The following TMEM145 variants were observed in gnomAD, a reference collection of about 807,000 sequenced individuals.
TMEM145 encodes transmembrane protein 145.
In TMEM145, 46 loss-of-function variants were observed where a neutral mutation model predicts 68.5. The observed-to-expected ratio is 0.67, with a 90% CI of 0.53 to 0.86. The LOEUF is 0.86. Among genes scored for constraint, TMEM145 ranks in the 40% least tolerant of loss-of-function variants. TMEM145 has a pLI of 0.00. For synonymous variants in TMEM145, 255 were observed against 280.2 expected, an observed-to-expected ratio of 0.91 and a Z score of 0.90; for missense variants, 570 against 645.8, an observed-to-expected ratio of 0.88 and a Z score of 1.27.
intron 13 of TMEM145, chr19:42,321,255 T>C (rs1031446854): frequency 2.5e-6 from 1 of 396,416 alleles, no homozygotes. Flanking sequence ...AGACGGAGTC[T>C]CACTCTGTCA....
Position 42,313,598 on chromosome 19 carries a change from G to A in TMEM145, c.120+102G>A. ...CTCGCCCCCTGCCGCCCCTCCTGGCGGACTCCGGGAGCCTCGGGGGAGTGG... is the reference window on the plus strand; with the variant it reads ...CTCGCCCCCTGCCGCCCCTCCTGGCAGACTCCGGGAGCCTCGGGGGAGTGG... On this transcript the variant is annotated intron_variant, in intron 1 of 14. Transcript: ENST00000301204. This position sits in a 1 kb window ranked among gnomAD's most constrained non-coding sequence, Gnocchi z 5.1. The A allele has an allele frequency of 2.1e-6, 2 of 948,410 alleles. No individual in the cohort carries two copies. Among genetic ancestry groups the A allele is most frequent in the Non-Finnish European group, 2.8e-6 (2 of 725,968 alleles). 58.7% of individuals were successfully genotyped at this position (948,410 alleles called of 1,614,324 possible).
chr19:42,317,837 G>A lies in TMEM145; in HGVS notation c.1029G>A (p.Glu343=). The A allele has an allele frequency of 6.2e-7, 1 of 1,614,162 alleles. No individual in the cohort carries two copies. The highest frequency in any genetic ancestry group is 8.5e-7 in the Non-Finnish European group (1 of 1,180,038). ...TTGTCTCACTGCGACACTTTCCTGA[G>A]AAGCAGCCTTTTTATGTGCCCTTCT... ...AVLVSLRHFP[E]KQPFYVPFFA... is the part of the protein sequence containing the mutation. Residue 343 remains glutamate, a synonymous_variant, in exon 12 of 15, where the codon GAG becomes GAA. Coordinates refer to ENST00000301204, the MANE Select transcript of TMEM145 (RefSeq NM_173633.3).
Position 42,324,835 on chromosome 19 carries a change from A to T in TMEM145, c.*18A>T. Reference sequence around the variant, plus strand: ...ACCTCTGACCCCGCTGGACTCCGGAACACCCGTGGTGACCGCCGGGACCCT... The same window carrying T: ...ACCTCTGACCCCGCTGGACTCCGGATCACCCGTGGTGACCGCCGGGACCCT... On this transcript the variant is annotated 3_prime_UTR_variant, in exon 15 of 15. Transcript: ENST00000301204. 1 of 1,537,752 alleles carries T rather than the reference A, an allele frequency of 6.5e-7. No individual in the cohort carries two copies. Among genetic ancestry groups the T allele is most frequent in the South Asian group, 1.2e-5 (1 of 82,388 alleles).
chr19:42,324,122 G>T (rs2038942628), intron 14 of TMEM145, among the ~76,000 whole-genome samples: 1 of 150,096 alleles, frequency 6.7e-6, no homozygotes, highest in Non-Finnish European at 1.5e-5. Context: ...ACCTGGCCCC[G>T]CTGCCCAGGC....
Position 42,324,959 on chromosome 19 carries a change from C to G in TMEM145, c.*142C>G. ...TCGGATCTGTGACCTCGGACCCGTA[C>G]TCCATCTGCCGCATCTCCATTCCGG... On this transcript the variant is annotated 3_prime_UTR_variant, in exon 15 of 15. Transcript: ENST00000301204. The G allele has an allele frequency of 8.0e-7, 1 of 1,245,416 alleles. No individual in the cohort carries two copies. Among genetic ancestry groups the G allele is most frequent in the Non-Finnish European group, 1.0e-6 (1 of 984,058 alleles). The allele number at this position is 1,245,416 out of a possible 1,614,324, so 77.1% of individuals were successfully genotyped here.
chr19:42,320,794 AT>A, intron 13 of TMEM145, among the ~76,000 whole-genome samples: 1 of 151,724 alleles, frequency 6.6e-6, no homozygotes, highest in South Asian at 2.1e-4. Flanking sequence ...CATGCAGCTA[AT>A]TTTTTGTATT....
rs756655935 is a variant in TMEM145 at position 42,316,674 on chromosome 19, TCTC to T, written c.745_747del (p.Ser250del). On this transcript the variant is annotated inframe_deletion, in exon 10 of 15. Coordinates refer to ENST00000301204, the MANE Select transcript of TMEM145 (RefSeq NM_173633.3). ...TCCCTTCTCCCAGCCAAGCTGCTCT[TCTC>T]CTCCAGCTTCCTCATCTTCCTGCTG... 8 of 1,613,708 alleles carry T rather than the reference TCTC, an allele frequency of 5.0e-6. No homozygotes were observed. Among genetic ancestry groups the T allele is most frequent in the Non-Finnish European group, 5.9e-6 (7 of 1,180,004 alleles).
At chr19:42,314,214 A>G (rs375911737) in intron 1 of TMEM145, 58 bp from the exon 2 acceptor site, 134 of 1,595,120 alleles carry the variant, frequency 8.4e-5, no homozygotes, top group African/African-American at 3.2e-4. Context: ...TTGGGGGTCT[A>G]TGGAGTAAAG....
chr19:42,316,393 A>G, intron 8 of TMEM145, 88 bp from the exon 9 acceptor site: 1 of 1,298,346 alleles, frequency 7.7e-7, no homozygotes, highest in Non-Finnish European at 1.1e-6. Context: ...AGGAGGCGGG[A>G]TTCAGACTGC....
In TMEM145 at chr19:42,317,023, C is replaced by A; in HGVS notation, c.900+60C>A. The A allele has an allele frequency of 2.7e-6, 4 of 1,455,208 alleles. No individual in the cohort carries two copies. In the Admixed American group the frequency reaches 7.4e-5, roughly 27 times the overall value. 90.1% of individuals were successfully genotyped at this position (1,455,208 alleles called of 1,614,324 possible). A position where few individuals can be genotyped will look rare whatever the true frequency, so the allele number is the denominator to read the frequency against. Reference sequence around the variant, plus strand: ...TCCCCTGCTTTTGGCGCCGCCTCCCCCTTGACCTGTCTGCTCGCCCTTGCC... The same window carrying A: ...TCCCCTGCTTTTGGCGCCGCCTCCCACTTGACCTGTCTGCTCGCCCTTGCC... On this transcript the variant is annotated intron_variant, in intron 11 of 14. Coordinates refer to ENST00000301204, the MANE Select transcript of TMEM145 (RefSeq NM_173633.3).
At chr19:42,314,909 G>A in intron 5 of TMEM145, 58 bp downstream of exon 5, 1 of 1,613,976 alleles carries the variant, frequency 6.2e-7, no homozygotes, top group South Asian at 1.1e-5. Flanking sequence ...GGGCTGGGGT[G>A]GCCACCTGGA....
At chr19:42,318,677 A>C (rs1222247889) in intron 12 of TMEM145, among the ~76,000 whole-genome samples, 2 of 146,286 alleles carry the variant, frequency 1.4e-5, no homozygotes, top group African/African-American at 5.3e-5. Flanking sequence ...ACAGAGCAAG[A>C]CTTCATCTTC....
rs779612016 is a variant in TMEM145 at position 42,316,731 on chromosome 19, C to T, written c.797C>T (p.Thr266Met). 4 of 1,437,966 alleles carry T rather than the reference C, an allele frequency of 2.8e-6. No homozygotes were observed. The highest frequency in any genetic ancestry group is 1.1e-5 in the South Asian group (1 of 88,702). The allele number at this position is 1,437,966 out of a possible 1,614,324, so 89.1% of individuals were successfully genotyped here. The change falls in exon 10 of 15, where the codon ACG becomes ATG. Residue 266 changes from threonine to methionine, a missense_variant. Transcript: ENST00000301204. ...CTTATCCTCCTGGGGAAGGGATTCA[C>T]GGTGACACGGTGCCCGGGCAGGGCG... ...LMLILLGKGF[T>M]VTRGRISHAG...
Position 42,320,317 on chromosome 19 carries a change from G to C in TMEM145, c.1074G>C (p.Trp358Cys). The change falls in exon 13 of 15, where the codon TGG becomes TGC. Residue 358 changes from tryptophan to cysteine, a missense_variant and splice_region_variant. Trp to Cys is a radical substitution (Grantham distance 215). Coordinates refer to ENST00000301204, the MANE Select transcript of TMEM145 (RefSeq NM_173633.3). ...TACTGACCCAATACTTCCCCTTCAG[G>C]TTCTTTGCGGTTCCTGTCATGGCCC... ...YVPFFAAYTLWFFAVPVMALI... is the reference protein window; with the variant it reads ...YVPFFAAYTLCFFAVPVMALI... The C allele has an allele frequency of 6.2e-7, 1 of 1,613,930 alleles. No homozygotes were observed. Among genetic ancestry groups the C allele is most frequent in the Non-Finnish European group, 8.5e-7 (1 of 1,180,022 alleles).
chr19:42,318,835 A>G (rs559846118), intron 12 of TMEM145, among the ~76,000 whole-genome samples: 1 of 152,220 alleles, frequency 6.6e-6, no homozygotes, highest in East Asian at 1.9e-4. Flanking sequence ...TACCCCCAGC[A>G]CTTTGGGAGG....
Position 42,313,456 on chromosome 19 carries a change from C to T in TMEM145, c.80C>T (p.Ala27Val). 7.3e-7 allele frequency: 1 copy of T among 1,369,424 alleles called. No individual in the cohort carries two copies. The highest frequency in any genetic ancestry group is 1.8e-5 in the South Asian group (1 of 56,126). 84.8% of individuals were successfully genotyped at this position (1,369,424 alleles called of 1,614,324 possible). Residue 27 changes from alanine to valine, a missense_variant, in exon 1 of 15, where the codon GCC becomes GTC. Ala to Val is a moderately conservative substitution (Grantham distance 64). Transcript: ENST00000301204. The surrounding 1 kb of genome is among the most constrained non-coding windows in gnomAD (Gnocchi z 5.1). ...CTGCTGCTGTCACTGCCCCCCCGCG[C>T]CCGGGCCAAGTACGTGCGGGGCAAC... is the stretch of plus-strand genomic sequence containing the variant. ...LLLLLSLPPRARAKYVRGNLS... is the reference protein window; with the variant it reads ...LLLLLSLPPRVRAKYVRGNLS...
chr19:42,315,519 C>T (rs2038847948), intron 8 of TMEM145, 79 bp downstream of exon 8: 8 of 1,441,936 alleles, frequency 5.5e-6, no homozygotes, highest in Admixed American at 1.8e-5. Flanking sequence ...AGAGGAATGC[C>T]TGGGGGCCTG....
chr19:42,315,302 G>T (rs999684409), intron 7 of TMEM145, 43 bp downstream of exon 7: 1 of 1,613,918 alleles, frequency 6.2e-7, no homozygotes, highest in Non-Finnish European at 8.5e-7. Context: ...ATAGGAGGGA[G>T]CAGGGTTGGG....
intron 13 of TMEM145, among the ~76,000 whole-genome samples, chr19:42,322,741 C>G (rs767014093): frequency 6.6e-6 from 1 of 151,508 alleles, no homozygotes; most frequent in East Asian, 1.9e-4. Context: ...CTTCCTCTGT[C>G]GTCCAGGTTG....
Sources: allele counts gnomAD v4.1 joint callset (sites outside exome capture counted in the v4.1 genomes callset), GRCh38; gene constraint gnomAD v4.1.1; non-coding constraint Gnocchi (gnomAD v3.1); transcripts MANE v1.5; gene names NCBI Gene and HGNC (gene_info 2026-07-23, HGNC 2026-07-21).